The following CDH9 variants were observed in gnomAD, a reference collection of about 807,000 sequenced individuals.
CDH9 encodes the protein cadherin 9.
A neutral mutation model predicts 70.9 loss-of-function variants in CDH9; 28 were observed. The observed-to-expected ratio is 0.40, with a 90% CI of 0.29 to 0.54. CDH9 has a LOEUF of 0.54. Ranked by LOEUF, CDH9 falls within the 20% of genes least tolerant of loss-of-function variation. The probability of loss-of-function intolerance (pLI) is 0.59; values close to 1 mark genes in which losing one functional copy is unlikely to be tolerated. For missense variants in CDH9, 874 were observed against 984.4 expected, an observed-to-expected ratio of 0.89 and a Z score of 1.50; for synonymous variants, 409 against 343.1, an observed-to-expected ratio of 1.19 and a Z score of -2.12.
At chr5:26,941,071 A>T (rs574273361) in intron 2 of CDH9, among the ~76,000 whole-genome samples, 1 of 152,292 alleles carries the variant, frequency 6.6e-6, no homozygotes, top group Admixed American at 6.5e-5. Flanking sequence ...ACTCACATAA[A>T]CATACCATCT....
chr5:26,979,194 T>C (rs191967042), intron 2 of CDH9, among the ~76,000 whole-genome samples: 14 of 151,686 alleles, frequency 9.2e-5, no homozygotes, highest in African/African-American at 3.4e-4. Flanking sequence ...ACAATATATA[T>C]AAGAAAAATA....
chr5:26,991,380 G>C (rs537441268), intron 1 of CDH9, among the ~76,000 whole-genome samples: 5 of 152,294 alleles, frequency 3.3e-5, no homozygotes, highest in African/African-American at 1.2e-4. Context: ...GATGCCTAAC[G>C]TGCTGCAAGT....
chr5:26,981,052 G>GT (rs1192714415), intron 2 of CDH9, among the ~76,000 whole-genome samples: 1 of 151,990 alleles, frequency 6.6e-6, no homozygotes, highest in Admixed American at 6.6e-5. Context: ...CGGTACATTG[G>GT]TTTTTTGTTG....
At chr5:26,921,746 CTT>C (rs1214920319) in intron 2 of CDH9, among the ~76,000 whole-genome samples, 2 of 152,116 alleles carry the variant, frequency 1.3e-5, no homozygotes, top group Non-Finnish European at 2.9e-5. Context: ...TAAATGGTCT[CTT>C]TGCCGAATTC....
intron 2 of CDH9, among the ~76,000 whole-genome samples, chr5:26,917,893 C>T (rs144902145): frequency 1.6e-3 from 245 of 152,166 alleles, no homozygotes; most frequent in African/African-American, 5.5e-3. Context: ...GAACTGTAAA[C>T]CTGAAGTCAT....
At chr5:26,999,219 C>T (rs761521967) in intron 1 of CDH9, among the ~76,000 whole-genome samples, 128 of 151,576 alleles carry the variant, frequency 8.4e-4, no homozygotes, top group African/African-American at 1.7e-3. Flanking sequence ...AGCCTGGTGA[C>T]GGAGCGAGAC....
chr5:26,977,800 A>C (rs947232923), intron 2 of CDH9, among the ~76,000 whole-genome samples: 1 of 152,134 alleles, frequency 6.6e-6, no homozygotes, highest in East Asian at 1.9e-4. Flanking sequence ...GTAAGAACTC[A>C]GAGACATTTG....
At chr5:26,889,252 T>A (rs73748526) in intron 9 of CDH9, among the ~76,000 whole-genome samples, 4,892 of 152,202 alleles carry the variant, frequency 0.032, 166 homozygotes, top group African/African-American at 0.084. Context: ...AATGAGCATA[T>A]TCTGCATTTA....
In CDH9 at chr5:26,902,633, C is replaced by T. The variant is rs1475478733; in HGVS notation, c.1096G>A (p.Asp366Asn). The change falls in exon 7 of 12, where the codon GAT (aspartate) becomes AAT (asparagine). Residue 366 changes from aspartate to asparagine, a missense_variant. Transcript: ENST00000231021. ...ACAGATATTTTGACCACAGCTGTAT[C>T]TTTGAAAGGTCCCAGGTGTAAGAAT... is the stretch of plus-strand genomic sequence containing the variant. Reference protein sequence around the residue: ...PRFLHLGPFKDTAVVKISVED... With the variant: ...PRFLHLGPFKNTAVVKISVED... The T allele has an allele frequency of 6.2e-7, 1 of 1,601,400 alleles. No individual in the cohort carries two copies. The highest frequency in any genetic ancestry group is 8.6e-7 in the Non-Finnish European group (1 of 1,168,940).
chr5:26,964,902 G>A, intron 2 of CDH9, among the ~76,000 whole-genome samples: 1 of 149,640 alleles, frequency 6.7e-6, no homozygotes, highest in East Asian at 2.0e-4. Flanking sequence ...TTGCTTTCAT[G>A]AATCTAACAC....
intron 1 of CDH9, among the ~76,000 whole-genome samples, chr5:27,017,872 T>C (rs915749312): frequency 6.6e-6 from 1 of 152,016 alleles, no homozygotes; most frequent in Non-Finnish European, 1.5e-5. Context: ...TTATTTAATG[T>C]ATATTATATT....
intron 2 of CDH9, among the ~76,000 whole-genome samples, chr5:26,919,215 T>A (rs758075407): frequency 5.9e-5 from 9 of 152,146 alleles, no homozygotes; most frequent in Non-Finnish European, 1.3e-4. Context: ...TCTTCTCTCA[T>A]CCCCTTGCAC....
intron 1 of CDH9, among the ~76,000 whole-genome samples, chr5:27,008,936 T>A (rs1010392412): frequency 3.3e-5 from 5 of 152,206 alleles, no homozygotes; most frequent in African/African-American, 1.2e-4. Context: ...TTGACACTCA[T>A]GGATTCCAGT....
At chr5:27,004,514 G>T (rs1041373259) in intron 1 of CDH9, among the ~76,000 whole-genome samples, 1 of 152,034 alleles carries the variant, frequency 6.6e-6, no homozygotes, top group African/African-American at 2.4e-5. Context: ...GACATTACAA[G>T]ATAAGAAAGG....
intron 2 of CDH9, among the ~76,000 whole-genome samples, chr5:26,929,606 G>A (rs1741404940): frequency 6.6e-6 from 1 of 151,950 alleles, no homozygotes; most frequent in Admixed American, 6.6e-5. Context: ...TTCATCAAGA[G>A]ACAAATGGAT....
chr5:27,002,509 T>C (rs1373432453), intron 1 of CDH9, among the ~76,000 whole-genome samples: 1 of 152,128 alleles, frequency 6.6e-6, no homozygotes, highest in Non-Finnish European at 1.5e-5. Context: ...AGCAAAGACT[T>C]GGAACCAACC....
At chr5:26,997,545 A>G (rs1742687540) in intron 1 of CDH9, among the ~76,000 whole-genome samples, 1 of 152,214 alleles carries the variant, frequency 6.6e-6, no homozygotes, top group Admixed American at 6.5e-5. Context: ...TTGAACATAT[A>G]CCTTATGAGC....
At chr5:26,968,676 TGG>T (rs1742168189) in intron 2 of CDH9, among the ~76,000 whole-genome samples, 1 of 152,100 alleles carries the variant, frequency 6.6e-6, no homozygotes. Context: ...ATGAGAAGCA[TGG>T]TATGATATTA....
At chr5:26,892,164 G>T (rs1176518491) in intron 7 of CDH9, among the ~76,000 whole-genome samples, 1 of 152,122 alleles carries the variant, frequency 6.6e-6, no homozygotes, top group Non-Finnish European at 1.5e-5. Context: ...TTTTTGAAAA[G>T]ATTAATTTAT....
Sources: allele counts gnomAD v4.1 joint callset (sites outside exome capture counted in the v4.1 genomes callset), GRCh38; gene constraint gnomAD v4.1.1; transcripts MANE v1.5; gene names NCBI Gene and HGNC (gene_info 2026-07-23, HGNC 2026-07-21).